TMEM278: variants seen among roughly 807,000 people sequenced by gnomAD.
TMEM278 encodes transmembrane protein 278, also known as transmembrane protein 88B.
chr1:1,427,138 T>C, the TMEM278 span, among the ~76,000 whole-genome samples: 2 of 131,864 alleles, frequency 1.5e-5, no homozygotes, highest in Non-Finnish European at 3.2e-5. Context: ...CGCCCCGCTC[T>C]TTCATCTCTA....
chr1:1,427,918 C>G, the TMEM278 span: 9 of 837,772 alleles, frequency 1.1e-5, no homozygotes, highest in Admixed American at 1.5e-4. Context: ...TCCCGGCTTA[C>G]GACCCCGGCC....
chr1:1,428,761 G>A, the TMEM278 span, among the ~76,000 whole-genome samples: 2 of 152,166 alleles, frequency 1.3e-5, no homozygotes, highest in African/African-American at 4.8e-5. Flanking sequence ...AGCACTTTGG[G>A]AAGCCGAGGA....
the TMEM278 span, chr1:1,427,813 G>C: frequency 7.3e-7 from 1 of 1,375,750 alleles, no homozygotes; most frequent in Non-Finnish European, 9.4e-7. Flanking sequence ...GAAACCCCGG[G>C]AGGCCTCCGA....
the TMEM278 span, among the ~76,000 whole-genome samples, chr1:1,427,952 C>G: frequency 1.1e-4 from 10 of 92,644 alleles, no homozygotes; most frequent in Middle Eastern, 5.3e-3. Flanking sequence ...GCCCCGCCCC[C>G]GCCACGGAGG....
chr1:1,429,433 A>G, the TMEM278 span, among the ~76,000 whole-genome samples: 1 of 152,016 alleles, frequency 6.6e-6, no homozygotes, highest in South Asian at 2.1e-4. Flanking sequence ...CTCTTGATAC[A>G]TGCTTGCTTT....
chr1:1,426,351 C>T, the TMEM278 span: 1 of 1,437,218 alleles, frequency 7.0e-7, no homozygotes, highest in Middle Eastern at 2.5e-4. Context: ...CCCGCGGCCG[C>T]CGTCGTCTAC....
chr1:1,427,112 G>A, the TMEM278 span, among the ~76,000 whole-genome samples: 1 of 118,800 alleles, frequency 8.4e-6, no homozygotes, highest in African/African-American at 3.1e-5. Context: ...AGCCCGCCAC[G>A]GCCCCTCTAC....
chr1:1,428,513 T>C, the TMEM278 span, among the ~76,000 whole-genome samples: 5 of 152,062 alleles, frequency 3.3e-5, no homozygotes, highest in Non-Finnish European at 7.4e-5. Context: ...TGTGCCGAGC[T>C]CACACCCACC....
At chr1:1,429,599 GGTT>G in the TMEM278 span, among the ~76,000 whole-genome samples, 2 of 152,252 alleles carry the variant, frequency 1.3e-5, no homozygotes, top group African/African-American at 4.8e-5. Context: ...CTGAACGTTT[GGTT>G]GTTTAATTGT....
chr1:1,429,952 C>T, the TMEM278 span, among the ~76,000 whole-genome samples: 1 of 152,250 alleles, frequency 6.6e-6, no homozygotes. Context: ...CCTCGCCCTC[C>T]CAGGCTCAAG....
the TMEM278 span, among the ~76,000 whole-genome samples, chr1:1,429,548 C>T: frequency 6.6e-6 from 1 of 152,166 alleles, no homozygotes; most frequent in Non-Finnish European, 1.5e-5. Flanking sequence ...AAATCTGTGA[C>T]TGGTGTTTCT....
the TMEM278 span, among the ~76,000 whole-genome samples, chr1:1,426,956 G>C: frequency 3.3e-5 from 5 of 151,694 alleles, no homozygotes; most frequent in South Asian, 8.3e-4. Flanking sequence ...CCCTTTACCT[G>C]CTGCGTCCCG....
the TMEM278 span, chr1:1,426,271 CGGCCGGCTG>C: frequency 6.7e-7 from 1 of 1,492,402 alleles, no homozygotes; most frequent in African/African-American, 1.4e-5. Context: ...CGCTGCTGCC[CGGCCGGCTG>C]CTGGCCGGGC....
the TMEM278 span, chr1:1,427,649 G>C: frequency 1.5e-6 from 2 of 1,345,226 alleles, no homozygotes; most frequent in Non-Finnish European, 1.9e-6. Flanking sequence ...TGCCGCCGCT[G>C]CTGGTGCTCG....
chr1:1,429,613 C>T, the TMEM278 span, among the ~76,000 whole-genome samples: 1 of 152,152 alleles, frequency 6.6e-6, no homozygotes, highest in Non-Finnish European at 1.5e-5. Context: ...GTTTAATTGT[C>T]AGCTGTTATC....
chr1:1,426,828 T>C, the TMEM278 span, among the ~76,000 whole-genome samples: 1 of 151,942 alleles, frequency 6.6e-6, no homozygotes, highest in African/African-American at 2.4e-5. Context: ...CCCGGGCCCC[T>C]TTCTGCTGGC....
chr1:1,427,723 C>T, the TMEM278 span: 6 of 1,307,010 alleles, frequency 4.6e-6, no homozygotes, highest in East Asian at 1.0e-4. Context: ...CCCGCTGGGA[C>T]CCCCGGACCC....
the TMEM278 span, among the ~76,000 whole-genome samples, chr1:1,427,092 C>T: frequency 6.8e-6 from 1 of 146,632 alleles, no homozygotes; most frequent in Non-Finnish European, 1.5e-5. Context: ...TCCCTCTTCC[C>T]GCCCTGCTCA....
chr1:1,428,976 G>T, the TMEM278 span, among the ~76,000 whole-genome samples: 1 of 149,378 alleles, frequency 6.7e-6, no homozygotes, highest in African/African-American at 2.5e-5. Flanking sequence ...CTCTAGCTTG[G>T]GCGAAAGAGC....
Sources: gnomAD v4.1 joint callset for allele counts (sites outside exome capture counted in the v4.1 genomes callset) on GRCh38, gnomAD v4.1.1 for gene constraint, MANE v1.5 for transcripts, NCBI Gene and HGNC (gene_info 2026-07-23, HGNC 2026-07-21) for gene names.